The following GGT7 variants were observed in gnomAD, a reference collection of about 807,000 sequenced individuals.
The protein encoded by GGT7 is glutathione hydrolase 7.
GGT7 carries 30 observed loss-of-function variants against 69.2 expected under a neutral mutation model. The ratio of observed to expected loss-of-function variants is 0.43; its 90% CI spans 0.32 to 0.59. GGT7 has a LOEUF of 0.59. Ranked by LOEUF, GGT7 falls within the 20% of genes least tolerant of loss-of-function variation. GGT7 has a pLI of 0.05. For synonymous variants in GGT7, 388 were observed against 391.8 expected (o/e 0.99, Z 0.12); for missense variants, 733 against 901.1 (o/e 0.81, Z 2.39).
intron 9 of GGT7, 70 bp from the exon 10 acceptor site, chr20:34,854,689 G>A (rs558206028): frequency 2.9e-5 from 46 of 1,576,726 alleles, no homozygotes; most frequent in South Asian, 1.9e-4. Context: ...GTGGACTTTC[G>A]TGTGTGAGAA....
At position 34,863,047 on chromosome 20, in the gene GGT7, C is replaced by T. The variant is rs1441199446; in HGVS notation, c.406-82G>A. ...CACCTCCACTAGCCCTAGAACTCTA[C>T]GCGGCATGAAGGTCGAAGCCCTGCC... On this transcript the variant is annotated intron_variant, in intron 2 of 14. Coordinates refer to ENST00000336431, the MANE Select transcript of GGT7 (RefSeq NM_178026.3). This position sits in a 1 kb window ranked among gnomAD's most constrained non-coding sequence, Gnocchi z 4.4. 8 of 1,389,722 alleles carry T rather than the reference C, an allele frequency of 5.8e-6. No homozygotes were observed. Among genetic ancestry groups the T allele is most frequent in the Middle Eastern group, 2.0e-4 (1 of 4,974 alleles). 86.1% of individuals were successfully genotyped at this position (1,389,722 alleles called of 1,614,324 possible).
chr20:34,860,913 C>T (rs2079583817), intron 4 of GGT7, among the ~76,000 whole-genome samples: 1 of 152,158 alleles, frequency 6.6e-6, no homozygotes, highest in Non-Finnish European at 1.5e-5. Context: ...GCAACCCTAC[C>T]TTTTAAAACG....
In GGT7 at chr20:34,863,728, C is replaced by G. The variant is rs776013280; in HGVS notation, c.170-180G>C. ...CCAGGACAGGCGGGGCAACGGTGCC[C>G]GGCTAGGAAGAGACAGGGACCTCCC... On this transcript the variant is annotated intron_variant, in intron 1 of 14. Coordinates refer to ENST00000336431, the MANE Select transcript of GGT7 (RefSeq NM_178026.3). This position sits in a 1 kb window ranked among gnomAD's most constrained non-coding sequence, Gnocchi z 4.4. The G allele has an allele frequency of 4.2e-5, 30 of 717,558 alleles. No homozygotes were observed. Among genetic ancestry groups the G allele is most frequent in the Non-Finnish European group, 7.2e-5 (28 of 386,426 alleles). The allele number at this position is 717,558 out of a possible 1,614,324, so 44.4% of individuals were successfully genotyped here. A position where few individuals can be genotyped will look rare whatever the true frequency, so the allele number is the denominator to read the frequency against.
At chr20:34,847,351 A>G (rs1355657572) in intron 14 of GGT7, among the ~76,000 whole-genome samples, 1 of 152,158 alleles carries the variant, frequency 6.6e-6, no homozygotes, top group Non-Finnish European at 1.5e-5. Flanking sequence ...TAAATAAGAC[A>G]AATCAGGTCA....
At chr20:34,845,685 G>A (rs2079293834) in intron 14 of GGT7, among the ~76,000 whole-genome samples, 194 bp from the exon 15 acceptor site, 1 of 152,070 alleles carries the variant, frequency 6.6e-6, no homozygotes. Context: ...GAAGTTGCAG[G>A]GACTAAAGGA....
chr20:34,862,558 T>A (rs1216772382), intron 3 of GGT7, among the ~76,000 whole-genome samples: 1 of 150,630 alleles, frequency 6.6e-6, no homozygotes, highest in South Asian at 2.1e-4. Context: ...TCTTAATTTA[T>A]GGTTTACAAA....
intron 14 of GGT7, among the ~76,000 whole-genome samples, chr20:34,848,669 T>C (rs2079337556): frequency 1.3e-5 from 2 of 152,238 alleles, no homozygotes; most frequent in African/African-American, 4.8e-5. Context: ...TATCAAGAGC[T>C]GTGCAGTAAA....
Position 34,863,598 on chromosome 20 carries a change from C to T in GGT7, c.170-50G>A. 1 of 1,259,256 alleles carries T rather than the reference C, an allele frequency of 7.9e-7. No homozygotes were observed. 78.0% of individuals were successfully genotyped at this position (1,259,256 alleles called of 1,614,324 possible). On this transcript the variant is annotated intron_variant, in intron 1 of 14. Transcript: ENST00000336431. The surrounding 1 kb of genome is among the most constrained non-coding windows in gnomAD (Gnocchi z 4.4). ...TCTGGGCATCTCCTATCTGGCCCTGCCCACCCTCCAGGTGGGACTATTCAG... is the reference window on the plus strand; with the variant it reads ...TCTGGGCATCTCCTATCTGGCCCTGTCCACCCTCCAGGTGGGACTATTCAG...
At chr20:34,854,406 T>C (rs1032366225) in intron 10 of GGT7, 125 bp downstream of exon 10, 10 of 624,000 alleles carry the variant, frequency 1.6e-5, no homozygotes, top group African/African-American at 1.5e-4. Context: ...ACGTTGTGAG[T>C]TGGGGTTGAG....
rs528871067 is a variant in GGT7 at position 34,869,551 on chromosome 20, G to A, written c.169+3096C>T. The stretch of plus-strand genomic sequence containing the variant: ...ATTGGGGTGGGGACTGGGCAAGAGG[G>A]AGGAGGCAGGAGGAGTAGCTAGAAG... On this transcript the variant is annotated intron_variant, in intron 1 of 14. Transcript: ENST00000336431. 7.9e-5 allele frequency among the ~76,000 whole-genome samples: 12 copies of A among 152,284 alleles called. No homozygotes were observed. In the South Asian group the frequency reaches 2.5e-3, roughly 32 times the overall value.
At position 34,872,810 on chromosome 20, in the gene GGT7, C is replaced by T. The variant is rs970281221; in HGVS notation, c.6G>A (p.Ala2=). The change falls in exon 1 of 15, where the codon GCG becomes GCA. Residue 2 remains alanine (A), a synonymous_variant. Transcript: ENST00000336431. ...TCTCCTGGCTGGCCTCGTTCTCCGCCGCCATCCTCGCCCGCGCCCCCCAGC... is the reference window on the plus strand; with the variant it reads ...TCTCCTGGCTGGCCTCGTTCTCCGCTGCCATCCTCGCCCGCGCCCCCCAGC... M[A]AENEASQESA... The T allele has an allele frequency of 2.2e-6, 3 of 1,343,520 alleles. No individual in the cohort carries two copies. Among genetic ancestry groups the T allele is most frequent in the Non-Finnish European group, 2.9e-6 (3 of 1,040,830 alleles). The allele number at this position is 1,343,520 out of a possible 1,614,324, so 83.2% of individuals were successfully genotyped here.
At chr20:34,853,998 A>G (rs1471698426) in intron 10 of GGT7, among the ~76,000 whole-genome samples, 1 of 152,144 alleles carries the variant, frequency 6.6e-6, no homozygotes, top group Non-Finnish European at 1.5e-5. Context: ...GTGCAGTGGC[A>G]TGATCTCGGC....
Position 34,860,324 on chromosome 20 carries a change from G to C in GGT7, c.676-3C>G. ...GGAACCCCCACCAAGAGCCCAGGCTGGGCAAGGCGGGTAGGCGAGGGAGAG... is the reference window on the plus strand; with the variant it reads ...GGAACCCCCACCAAGAGCCCAGGCTCGGCAAGGCGGGTAGGCGAGGGAGAG... On this transcript the variant is annotated splice_region_variant and splice_polypyrimidine_tract_variant and intron_variant, in intron 4 of 14. Transcript: ENST00000336431. 6.2e-7 allele frequency: 1 copy of C among 1,612,966 alleles called. No homozygotes were observed. The highest frequency in any genetic ancestry group is 8.5e-7 in the Non-Finnish European group (1 of 1,179,276).
rs1376406670 is a variant in GGT7, at chr20:34,863,225, C to T, written c.405+88G>A. ...CCACCCTCTCTCCCCTTCTACCACT[C>T]AGCCATTCCCCAGTTTCCACAGTTC... On this transcript the variant is annotated intron_variant, in intron 2 of 14. Transcript: ENST00000336431. The surrounding 1 kb of genome is among the most constrained non-coding windows in gnomAD (Gnocchi z 4.4). 1.2e-5 allele frequency: 12 copies of T among 1,034,632 alleles called. No individual in the cohort carries two copies. The East Asian group carries it at 2.6e-4, about 22-fold the overall frequency. 64.1% of individuals were successfully genotyped at this position (1,034,632 alleles called of 1,614,324 possible).
chr20:34,848,136 T>C (rs2079329095), intron 14 of GGT7, among the ~76,000 whole-genome samples: 1 of 152,206 alleles, frequency 6.6e-6, no homozygotes, highest in African/African-American at 2.4e-5. Flanking sequence ...GAAGTTCATT[T>C]AGAGAGACAT....
chr20:34,863,459 C>G lies in GGT7; in HGVS notation c.259G>C (p.Glu87Gln), dbSNP rs773925975. 6.2e-7 allele frequency: 1 copy of G among 1,611,212 alleles called. No individual in the cohort carries two copies. The highest frequency in any genetic ancestry group is 1.1e-5 in the South Asian group (1 of 90,710). ...MGSQDGSPLR[E>Q]TRKDPFSAAA... is the part of the protein sequence containing the mutation. ...GCGGAGAACGGGTCTTTGCGCGTCT[C>G]GCGTAGCGGCGACCCGTCTTGGCTG... Residue 87 changes from glutamate to glutamine, a missense_variant, in exon 2 of 15, where the codon GAG (glutamate) becomes CAG (glutamine). Transcript: ENST00000336431. This position sits in a 1 kb window ranked among gnomAD's most constrained non-coding sequence, Gnocchi z 4.4.
chr20:34,850,855 G>A (rs201046268), intron 13 of GGT7: 7 of 557,796 alleles, frequency 1.3e-5, no homozygotes, highest in Non-Finnish European at 2.4e-5. Context: ...GAGGTGTTCT[G>A]GAGAAAAGCA....
chr20:34,858,131 A>G (rs550089057), intron 7 of GGT7, among the ~76,000 whole-genome samples: 1 of 152,328 alleles, frequency 6.6e-6, no homozygotes, highest in South Asian at 2.1e-4. Flanking sequence ...TGATGAGCTA[A>G]TAAGACACAA....
Position 34,859,655 on chromosome 20 carries a change from G to T in GGT7, c.818-16C>A. The T allele has an allele frequency of 6.4e-7, 1 of 1,572,760 alleles. No individual in the cohort carries two copies. The highest frequency in any genetic ancestry group is 8.6e-7 in the Non-Finnish European group (1 of 1,156,342). On this transcript the variant is annotated splice_polypyrimidine_tract_variant and intron_variant, in intron 6 of 14. Transcript: ENST00000336431. Reference sequence around the variant, plus strand: ...AGGGCACGGGCTAGGGGCAGGGACGGGAGGCTGGGCAGGGCGGGACGCCAG... The same window carrying T: ...AGGGCACGGGCTAGGGGCAGGGACGTGAGGCTGGGCAGGGCGGGACGCCAG...
Sources: gnomAD v4.1 joint callset for allele counts (sites outside exome capture counted in the v4.1 genomes callset) on GRCh38, gnomAD v4.1.1 for gene constraint, Gnocchi (gnomAD v3.1) non-coding constraint, MANE v1.5 for transcripts, NCBI Gene and HGNC (gene_info 2026-07-23, HGNC 2026-07-21) for gene names.